Variants in PSMC6 observed in about 807,000 individuals in gnomAD.
PSMC6 encodes 26S proteasome regulatory subunit 10B.
Under a neutral mutation model 55.9 loss-of-function variants are expected in PSMC6, and 3 were observed. The observed-to-expected ratio is 0.05, with a 90% confidence interval of 0.02 to 0.14. The LOEUF is 0.14. Among genes scored for constraint, PSMC6 ranks in the 10% least tolerant of loss-of-function variants. The pLI is 1.00. For missense variants in PSMC6, 210 were observed against 478.7 expected (o/e 0.44, Z 5.24); for synonymous variants, 137 against 155.9 (o/e 0.88, Z 0.90).
chr14:52,726,953 G>T (rs1485870961), intron 13 of PSMC6, among the ~76,000 whole-genome samples: 2 of 147,310 alleles, frequency 1.4e-5, no homozygotes, highest in African/African-American at 5.0e-5. Flanking sequence ...TGAACCGGAT[G>T]TTAAATATTC....
chr14:52,708,998 C>A, intron 4 of PSMC6, 182 bp downstream of exon 4: 1 of 736,208 alleles, frequency 1.4e-6, no homozygotes, highest in Non-Finnish European at 2.1e-6. Flanking sequence ...TGACTCCTGG[C>A]ATTCCGTACT....
At chr14:52,707,637 G>A in intron 1 of PSMC6, 1 of 267,284 alleles carries the variant, frequency 3.7e-6, no homozygotes, top group Non-Finnish European at 7.4e-6. Flanking sequence ...ACTTGGAGAG[G>A]GGAAGGCGCT....
At position 52,720,938 on chromosome 14, in the gene PSMC6, G is replaced by A. The variant is rs1479495806; in HGVS notation, c.855G>A (p.Leu285=). Residue 285 remains leucine, a synonymous_variant, in exon 11 of 14, where the codon CTG becomes CTA. Coordinates refer to ENST00000445930, the MANE Select transcript of PSMC6 (RefSeq NM_002806.5). Reference sequence around the variant, plus strand: ...TGGCTACAAACAGACCAGATACACTGGATCCTGCTTTGCTGCGTCCAGGAA... The same window carrying A: ...TGGCTACAAACAGACCAGATACACTAGATCCTGCTTTGCTGCGTCCAGGAA... ...MIMATNRPDT[L]DPALLRPGRL... is the part of the protein sequence containing the mutation. 6.2e-7 allele frequency: 1 copy of A among 1,613,430 alleles called. No homozygotes were observed. The highest frequency in any genetic ancestry group is 1.1e-5 in the South Asian group (1 of 91,036).
At chr14:52,710,996 T>C in intron 4 of PSMC6, 105 bp from the exon 5 acceptor site, 1 of 882,970 alleles carries the variant, frequency 1.1e-6, no homozygotes, top group Non-Finnish European at 1.8e-6. Context: ...TTGTGTTCTC[T>C]CTGGAGGGTA....
intron 7 of PSMC6, among the ~76,000 whole-genome samples, chr14:52,715,581 C>T (rs1011570419): frequency 2.0e-5 from 3 of 151,106 alleles, no homozygotes; most frequent in Non-Finnish European, 4.4e-5. Flanking sequence ...ATATCTGGCA[C>T]TATGTGGTTG....
Position 52,711,512 on chromosome 14 carries a change from G to C in PSMC6, c.429G>C (p.Arg143=). ...TTGGAGGGCTATCAGAACAGATCCG[G>C]GAATTAAGAGAGGTTGGTACTGTGT... ...SEIGGLSEQI[R]ELREVIELPL... Residue 143 remains arginine, a synonymous_variant, in exon 6 of 14, where the codon CGG becomes CGC. Coordinates refer to ENST00000445930, the MANE Select transcript of PSMC6 (RefSeq NM_002806.5). 6.2e-7 allele frequency: 1 copy of C among 1,604,556 alleles called. No homozygotes were observed. Among genetic ancestry groups the C allele is most frequent in the East Asian group, 2.2e-5 (1 of 44,748 alleles).
At chr14:52,712,588 C>G (rs1191092185) in intron 6 of PSMC6, among the ~76,000 whole-genome samples, 1 of 152,016 alleles carries the variant, frequency 6.6e-6, no homozygotes, top group Non-Finnish European at 1.5e-5. Context: ...TCACTTCTGG[C>G]TTTTCCCAGT....
intron 13 of PSMC6, among the ~76,000 whole-genome samples, chr14:52,725,182 A>C (rs1041430299): frequency 6.6e-6 from 1 of 152,224 alleles, no homozygotes. Flanking sequence ...AACCAGACCA[A>C]ATTATTATCA....
At chr14:52,708,009 T>C (rs1293303897) in intron 1 of PSMC6, among the ~76,000 whole-genome samples, 2 of 152,176 alleles carry the variant, frequency 1.3e-5, no homozygotes, top group Non-Finnish European at 2.9e-5. Context: ...CATTCGGATT[T>C]GTAGTCGCAA....
At chr14:52,722,363 A>AC (rs1289190178) in intron 12 of PSMC6, 46 of 143,014 alleles carry the variant, frequency 3.2e-4, no homozygotes, top group African/African-American at 1.0e-3. Context: ...AGAGTTTATG[A>AC]CCCCCCTGCC....
intron 12 of PSMC6, 105 bp from the exon 13 acceptor site, chr14:52,723,860 C>A: frequency 6.6e-7 from 1 of 1,505,870 alleles, no homozygotes; most frequent in Admixed American, 2.4e-5. Flanking sequence ...TGATGTCTAG[C>A]TGATCAAACT....
rs1446702340 is a variant in PSMC6 at position 52,721,090 on chromosome 14, A to C, written c.899-20A>C. On this transcript the variant is annotated intron_variant, in intron 11 of 13. Transcript: ENST00000445930. ...TTAAAAAAGATAAAACTGGACTATA[A>C]AATAATTTTTTATTTTCAGATATTG... The C allele has an allele frequency of 6.3e-7, 1 of 1,580,608 alleles. No homozygotes were observed. Among genetic ancestry groups the C allele is most frequent in the East Asian group, 2.2e-5 (1 of 44,664 alleles).
At chr14:52,707,515 A>C (rs878861932) in intron 1 of PSMC6, 4 of 582,866 alleles carry the variant, frequency 6.9e-6, no homozygotes, top group Non-Finnish European at 2.9e-6. Context: ...GTGACAGAAC[A>C]TCGGCGGCCT....
At chr14:52,715,311 G>A (rs1167528173) in intron 7 of PSMC6, among the ~76,000 whole-genome samples, 2 of 152,218 alleles carry the variant, frequency 1.3e-5, no homozygotes, top group Non-Finnish European at 2.9e-5. Context: ...CACTTGTGCA[G>A]TTATTTAAGT....
At chr14:52,721,299 G>T (rs1244152786) in intron 12 of PSMC6, 109 bp downstream of exon 12, 5 of 966,230 alleles carry the variant, frequency 5.2e-6, no homozygotes, top group Non-Finnish European at 3.0e-6. Flanking sequence ...AGCAAATGTG[G>T]TGGTTTTAAA....
intron 6 of PSMC6, among the ~76,000 whole-genome samples, chr14:52,713,155 G>A (rs970444636): frequency 2.2e-4 from 33 of 152,052 alleles, no homozygotes; most frequent in African/African-American, 4.1e-4. Context: ...TCTTGTACCC[G>A]GGAGGCAGAG....
intron 10 of PSMC6, among the ~76,000 whole-genome samples, chr14:52,720,608 A>G (rs932006998): frequency 6.6e-6 from 1 of 152,142 alleles, no homozygotes; most frequent in Admixed American, 6.6e-5. Flanking sequence ...CTTCAGATTT[A>G]TTAAAACTAC....
At chr14:52,707,397 C>A in intron 1 of PSMC6, 93 bp downstream of exon 1, 1 of 1,534,034 alleles carries the variant, frequency 6.5e-7, no homozygotes, top group East Asian at 2.3e-5. Context: ...GGCAACCGAG[C>A]CTTAGAGATG....
chr14:52,727,036 T>TG (rs1880445932), intron 13 of PSMC6, among the ~76,000 whole-genome samples: 1 of 149,290 alleles, frequency 6.7e-6, no homozygotes, highest in Non-Finnish European at 1.5e-5. Flanking sequence ...TTTTTTTTTT[T>TG]TTTGAGATGG....
Sources: gnomAD v4.1 joint callset for allele counts (sites outside exome capture counted in the v4.1 genomes callset) on GRCh38, gnomAD v4.1.1 for gene constraint, MANE v1.5 for transcripts, NCBI Gene and HGNC (gene_info 2026-07-23, HGNC 2026-07-21) for gene names.